The following TRIML1 variants were observed in gnomAD, a reference collection of about 807,000 sequenced individuals.
TRIML1 encodes tripartite motif family like 1.
TRIML1 carries 34 observed loss-of-function variants against 32.3 expected under a neutral mutation model. That is an observed-to-expected ratio of 1.05 (90% CI 0.80 to 1.40). The LOEUF (loss-of-function observed/expected upper bound fraction) is 1.40. Among genes scored for constraint, TRIML1 ranks in the 40% most tolerant of loss-of-function variants. The pLI is 0.00. For synonymous variants in TRIML1, 244 were observed against 226.6 expected (o/e 1.08, Z -0.69); for missense variants, 595 against 574.9 (o/e 1.03, Z -0.36).
chr4:188,141,060 C>T (rs6553160), intron 2 of TRIML1, among the ~76,000 whole-genome samples: 30,932 of 151,770 alleles, frequency 0.2, 3,393 homozygotes, highest in Middle Eastern at 0.32. Context: ...AGGTTGGTCA[C>T]GGACTTGGAT....
At chr4:188,143,560 T>C in intron 3 of TRIML1, 1 of 464,842 alleles carries the variant, frequency 2.2e-6, no homozygotes, top group South Asian at 2.3e-5. Flanking sequence ...ACTAACAGGT[T>C]GGCTTGTTTG....
chr4:188,138,369 G>C (rs779624183), upstream of TRIML1, among the ~76,000 whole-genome samples: 1 of 152,102 alleles, frequency 6.6e-6, no homozygotes, highest in Non-Finnish European at 1.5e-5. Context: ...CTCGTGGAAG[G>C]CTGCCAAGCT....
At chr4:188,138,210 A>C (rs1734720685), upstream of TRIML1, among the ~76,000 whole-genome samples, 1 of 152,102 alleles carries the variant, frequency 6.6e-6, no homozygotes, top group Admixed American at 6.6e-5. Context: ...GTGGAGGAAA[A>C]AACATTCTCA....
upstream of TRIML1, among the ~76,000 whole-genome samples, chr4:188,139,020 C>A (rs1002378202): frequency 6.6e-6 from 1 of 152,072 alleles, no homozygotes; most frequent in Non-Finnish European, 1.5e-5. Context: ...ACAAAAGGGG[C>A]TAATGAGAAA....
upstream of TRIML1, among the ~76,000 whole-genome samples, chr4:188,137,865 G>A (rs983918242): frequency 6.7e-6 from 1 of 150,322 alleles, no homozygotes; most frequent in Non-Finnish European, 1.5e-5. Flanking sequence ...CACCCACCTC[G>A]GCCTCCCAAA....
rs1735132563 is a variant in TRIML1 at position 188,147,450 on chromosome 4, G to A, written c.*78G>A. 7.8e-7 allele frequency: 1 copy of A among 1,278,722 alleles called. No individual in the cohort carries two copies. Among genetic ancestry groups the A allele is most frequent in the Non-Finnish European group, 1.0e-6 (1 of 981,942 alleles). The allele number at this position is 1,278,722 out of a possible 1,614,324, so 79.2% of individuals were successfully genotyped here. A position where few individuals can be genotyped will look rare whatever the true frequency, so the allele number is the denominator to read the frequency against. On this transcript the variant is annotated 3_prime_UTR_variant, in exon 6 of 6. Transcript: ENST00000332517. ...TATTAAGACGATGAAGGCATCGACAGTATTAATGTCAGGTGATCTGAAATA... is the reference window on the plus strand; with the variant it reads ...TATTAAGACGATGAAGGCATCGACAATATTAATGTCAGGTGATCTGAAATA...
chr4:188,150,555 T>G (rs369953887), downstream of TRIML1, among the ~76,000 whole-genome samples: 5 of 152,278 alleles, frequency 3.3e-5, no homozygotes, highest in African/African-American at 1.2e-4. Flanking sequence ...CCCAGTTTTG[T>G]GGAGGGACTA....
At chr4:188,140,889 T>A (rs895577222) in intron 2 of TRIML1, 10 of 306,426 alleles carry the variant, frequency 3.3e-5, no homozygotes, top group Non-Finnish European at 6.0e-5. Context: ...TAGAATTATT[T>A]AAAACACAAG....
In TRIML1 at chr4:188,139,653, G is replaced by A. The variant is rs752489413; in HGVS notation, c.95G>A (p.Gly32Glu). 4 of 1,614,126 alleles carry A rather than the reference G, an allele frequency of 2.5e-6. No homozygotes were observed. The highest frequency in any genetic ancestry group is 3.4e-6 in the Non-Finnish European group (4 of 1,180,028). Residue 32 changes from glycine (G) to glutamate (E), a missense_variant, in exon 1 of 6, where the codon GGG (glycine) becomes GAG (glutamate). Physicochemically the swap from Gly to Glu is moderately conservative, Grantham distance 98. Transcript: ENST00000332517. ...AGCAGCCCAGTGACCACCGAGTGTG[G>A]GCACAGCTTTTGTCTGGTGTGTCTC... ...YFSSPVTTEC[G>E]HSFCLVCLLR...
At chr4:188,144,328 AGGCTTTATCT>A (rs1734976003) in intron 5 of TRIML1, among the ~76,000 whole-genome samples, 195 bp downstream of exon 5, 1 of 150,074 alleles carries the variant, frequency 6.7e-6, no homozygotes, top group Non-Finnish European at 1.5e-5. Context: ...GACTTGACTC[AGGCTTTATCT>A]GGCTTTGTTT....
downstream of TRIML1, among the ~76,000 whole-genome samples, chr4:188,148,131 G>A (rs1735155720): frequency 6.6e-6 from 1 of 152,100 alleles, no homozygotes; most frequent in African/African-American, 2.4e-5. Flanking sequence ...CGGTGCTTTT[G>A]TGGTTTGCTG....
chr4:188,147,305 C>T lies in TRIML1; in HGVS notation c.1340C>T (p.Pro447Leu). The stretch of plus-strand genomic sequence containing the variant: ...GAGGCCCTCAGGCCTATCTTTTCCC[C>T]CTGCCTCCCAAATGAGGGGACAAAC... ...FQEALRPIFS[P>L]CLPNEGTNTD... The change falls in exon 6 of 6, where the codon CCC (proline) becomes CTC (leucine). Residue 447 changes from proline to leucine, a missense_variant. Pro to Leu is a moderately conservative substitution (Grantham distance 98). Transcript: ENST00000332517. The T allele has an allele frequency of 6.5e-7, 1 of 1,537,862 alleles. No individual in the cohort carries two copies. Among genetic ancestry groups the T allele is most frequent in the South Asian group, 1.3e-5 (1 of 77,564 alleles).
chr4:188,147,952 T>A (rs150733836), downstream of TRIML1, among the ~76,000 whole-genome samples: 1 of 152,292 alleles, frequency 6.6e-6, no homozygotes, highest in African/African-American at 2.4e-5. Context: ...TTCAGAACAC[T>A]GCAAATATTT....
downstream of TRIML1, among the ~76,000 whole-genome samples, chr4:188,150,110 T>C (rs1735212424): frequency 6.6e-6 from 1 of 151,814 alleles, no homozygotes; most frequent in Non-Finnish European, 1.5e-5. Flanking sequence ...GGCCTTATTT[T>C]ATTTATTTTT....
chr4:188,142,316 A>G lies in TRIML1; in HGVS notation c.569A>G (p.Lys190Arg). The change falls in exon 3 of 6, where the codon AAG becomes AGG. Residue 190 changes from lysine to arginine, a missense_variant. Lys to Arg is a conservative substitution (Grantham distance 26). Coordinates refer to ENST00000332517, the MANE Select transcript of TRIML1 (RefSeq NM_178556.5). ...TACATGAAAATGCACCAGTTCCTGA[A>G]GGAAGAGGAGCAGCTGCAACTCCAG... ...SEYMKMHQFL[K>R]EEEQLQLQLL... is the part of the protein sequence containing the mutation. 1 of 1,613,210 alleles carries G rather than the reference A, an allele frequency of 6.2e-7. No individual in the cohort carries two copies. The highest frequency in any genetic ancestry group is 8.5e-7 in the Non-Finnish European group (1 of 1,179,908).
intron 5 of TRIML1, 21 bp downstream of exon 5, chr4:188,144,154 A>G: frequency 6.2e-7 from 1 of 1,603,634 alleles, no homozygotes; most frequent in Middle Eastern, 1.7e-4. Context: ...CTGATTTGTT[A>G]CCCCTCCGGG....
At chr4:188,139,343 C>A, upstream of TRIML1, 1 of 458,124 alleles carries the variant, frequency 2.2e-6, no homozygotes, top group Non-Finnish European at 3.8e-6. Flanking sequence ...GGTGAGGAGC[C>A]CAGTATACAG....
At position 188,147,005 on chromosome 4, in the gene TRIML1, T is replaced by G. The variant is rs1216721195; in HGVS notation, c.1040T>G (p.Val347Gly). 6.3e-7 allele frequency: 1 copy of G among 1,593,512 alleles called. No individual in the cohort carries two copies. The highest frequency in any genetic ancestry group is 1.1e-5 in the South Asian group (1 of 87,194). Residue 347 changes from valine (V) to glycine (G), a missense_variant, in exon 6 of 6, where the codon GTG (valine) becomes GGG (glycine). Val to Gly is a moderately radical substitution (Grantham distance 109, BLOSUM62 -3). Coordinates refer to ENST00000332517, the MANE Select transcript of TRIML1 (RefSeq NM_178556.5). The part of the protein sequence containing the change: ...TSGRHYWEVE[V>G]GNKTEWEVGI... ...GGGAGACACTACTGGGAGGTGGAGG[T>G]GGGAAACAAGACCGAGTGGGAAGTG...
At chr4:188,149,065 C>T (rs1021986857), downstream of TRIML1, among the ~76,000 whole-genome samples, 1 of 151,698 alleles carries the variant, frequency 6.6e-6, no homozygotes, top group Non-Finnish European at 1.5e-5. Context: ...AGGCGCCCAC[C>T]ACCACGCCCG....
Sources: gnomAD v4.1 joint callset for allele counts (sites outside exome capture counted in the v4.1 genomes callset) on GRCh38, gnomAD v4.1.1 for gene constraint, MANE v1.5 for transcripts, NCBI Gene and HGNC (gene_info 2026-07-23, HGNC 2026-07-21) for gene names.